Variants in SPHKAP observed in about 807,000 individuals in gnomAD.
The protein encoded by SPHKAP is SPHK1 interactor, AKAP domain containing, also known as A-kinase anchor protein SPHKAP.
Under a neutral mutation model 137.5 loss-of-function variants are expected in SPHKAP, and 67 were observed. That is an observed-to-expected ratio of 0.49 (90% CI 0.40 to 0.60). The LOEUF (loss-of-function observed/expected upper bound fraction) is 0.60, where lower values mean the gene tolerates loss of function less well. Among genes scored for constraint, SPHKAP ranks in the 20% least tolerant of loss-of-function variants. The probability of loss-of-function intolerance (pLI) is 0.00; values close to 1 mark genes in which losing one functional copy is unlikely to be tolerated. For missense variants in SPHKAP, 2,097 were observed against 2,069.3 expected (o/e 1.01, Z -0.26); for synonymous variants, 813 against 785.3 (o/e 1.04, Z -0.59).
chr2:227,981,784 C>A lies in SPHKAP; in HGVS notation c.5036G>T (p.Cys1679Phe). 1.9e-6 allele frequency: 3 copies of A among 1,613,882 alleles called. No homozygotes were observed. The highest frequency in any genetic ancestry group is 2.5e-6 in the Non-Finnish European group (3 of 1,179,834). The change falls in exon 12 of 12, where the codon TGC becomes TTC. Residue 1679 changes from cysteine (C) to phenylalanine (F), a missense_variant. Transcript: ENST00000392056. Reference sequence around the variant, plus strand: ...ATCCTTCTGCTCCTCATGCATTTTGCAGTACTGGACAACTGCATGGAAGAT... The same window carrying A: ...ATCCTTCTGCTCCTCATGCATTTTGAAGTACTGGACAACTGCATGGAAGAT... ...GDIFHAVVQY[C>F]KMHEEQKDGR...
In SPHKAP at chr2:228,181,627, G is replaced by T; in HGVS notation, c.-29C>A. The T allele has an allele frequency of 6.2e-7, 1 of 1,614,142 alleles. No individual in the cohort carries two copies. The highest frequency in any genetic ancestry group is 8.5e-7 in the Non-Finnish European group (1 of 1,180,016). ...TGGTGGGCGCCCAGAGAAGAAAGAC[G>T]GAAAGTGCAGGCGAAGGATAAGTCT... On this transcript the variant is annotated 5_prime_UTR_variant, in exon 1 of 12. Transcript: ENST00000392056. This position sits in a 1 kb window ranked among gnomAD's most constrained non-coding sequence, Gnocchi z 4.3.
chr2:228,092,134 TGTGTACACATATATACATATAC>T (rs1697764569), intron 3 of SPHKAP, among the ~76,000 whole-genome samples: 8 of 61,818 alleles, frequency 1.3e-4, no homozygotes, highest in African/African-American at 5.6e-4. Flanking sequence ...TACGTATATG[TGTGTACACATATATACATATAC>T]ATATATGTGT....
At chr2:228,023,183 TG>T (rs1694906345) in intron 5 of SPHKAP, among the ~76,000 whole-genome samples, 1 of 152,206 alleles carries the variant, frequency 6.6e-6, no homozygotes, top group South Asian at 2.1e-4. Context: ...CTAGGAGAGA[TG>T]ATTATAAAAT....
chr2:228,154,506 CTCTCTCTA>C (rs1464067525), intron 1 of SPHKAP, among the ~76,000 whole-genome samples: 20 of 29,904 alleles, frequency 6.7e-4, no homozygotes, highest in African/African-American at 2.1e-3. Context: ...CTCTCTCTCT[CTCTCTCTA>C]TATATATATA....
chr2:228,004,902 T>C (rs959986570), intron 7 of SPHKAP, among the ~76,000 whole-genome samples: 4 of 152,240 alleles, frequency 2.6e-5, no homozygotes, highest in African/African-American at 4.8e-5. Context: ...TCTAGTTTGA[T>C]TGCAATTTGC....
chr2:228,017,829 C>G lies in SPHKAP; in HGVS notation c.3025G>C (p.Glu1009Gln). Residue 1009 changes from glutamate (E) to glutamine (Q), a missense_variant, in exon 7 of 12, where the codon GAG becomes CAG. Physicochemically the swap from Glu to Gln is conservative, Grantham distance 29 (BLOSUM62 2). Transcript: ENST00000392056. The stretch of plus-strand genomic sequence containing the variant: ...AGCTTTTCTTTAAGCTCAGGGTGCT[C>G]GTCCGTCTTCCTCTTGATCTCACTG... ...RLSEIKRKTDEHPELKEKLMN... is the reference protein window; with the variant it reads ...RLSEIKRKTDQHPELKEKLMN... 5.6e-6 allele frequency: 9 copies of G among 1,614,102 alleles called. No homozygotes were observed. Among genetic ancestry groups the G allele is most frequent in the African/African-American group, 1.3e-5 (1 of 75,040 alleles).
intron 1 of SPHKAP, among the ~76,000 whole-genome samples, chr2:228,154,506 C>CTATATATATATA (rs1397617929): frequency 3.0e-3 from 90 of 29,850 alleles, no homozygotes; most frequent in Non-Finnish European, 4.3e-3. Context: ...CTCTCTCTCT[C>CTATATATATATA]TCTCTCTATA....
chr2:228,104,449 G>C (rs1165311500), intron 3 of SPHKAP, among the ~76,000 whole-genome samples: 2 of 149,614 alleles, frequency 1.3e-5, no homozygotes, highest in African/African-American at 4.9e-5. Context: ...GATCACGTGA[G>C]TCTAGATTCT....
In SPHKAP at chr2:228,075,964, T is replaced by C. The variant is rs541701281; in HGVS notation, c.246+32868A>G. ...CATCTTGAATTGTAACTCCCACAAT[T>C]CCCTCGTGTTGTGAGAGGAACACAG... On this transcript the variant is annotated intron_variant, in intron 3 of 11. Transcript: ENST00000392056. Among the ~76,000 whole-genome samples, 378 of 152,312 alleles carry C rather than the reference T, an allele frequency of 2.5e-3. 3 individuals carry two copies. Among genetic ancestry groups the C allele is most frequent in the African/African-American group, 8.6e-3 (359 of 41,568 alleles).
chr2:228,098,396 A>T (rs1698066749), intron 3 of SPHKAP, among the ~76,000 whole-genome samples: 1 of 152,234 alleles, frequency 6.6e-6, no homozygotes, highest in African/African-American at 2.4e-5. Flanking sequence ...AATTAAGAAA[A>T]TGTGGCACAT....
intron 3 of SPHKAP, among the ~76,000 whole-genome samples, chr2:228,045,481 A>C (rs974049694): frequency 7.3e-5 from 11 of 150,776 alleles, no homozygotes; most frequent in African/African-American, 2.7e-4. Context: ...CATCATTCTC[A>C]GCAAACTATC....
chr2:228,000,031 T>C (rs1264625245), intron 7 of SPHKAP, among the ~76,000 whole-genome samples: 1 of 152,240 alleles, frequency 6.6e-6, no homozygotes, highest in African/African-American at 2.4e-5. Flanking sequence ...TCATACAGTA[T>C]AAGTTCACTG....
chr2:227,993,567 T>C lies in SPHKAP; in HGVS notation c.4688A>G (p.Tyr1563Cys), dbSNP rs776053703. The C allele has an allele frequency of 1.9e-6, 3 of 1,604,748 alleles. No homozygotes were observed. Among genetic ancestry groups the C allele is most frequent in the South Asian group, 2.3e-5 (2 of 88,660 alleles). Residue 1563 changes from tyrosine to cysteine, a missense_variant, in exon 9 of 12, where the codon TAT becomes TGT. Physicochemically the swap from Tyr to Cys is radical, Grantham distance 194 (BLOSUM62 -2). Transcript: ENST00000392056. ...SSLGIMDLDI[Y>C]QESMPSSPMI... ...GGGAGAAGATGGCATGCTTTCCTGA[T>C]AAATGTCCAGATCCATAATGCCAAG... is the stretch of plus-strand genomic sequence containing the variant.
chr2:228,050,459 C>T (rs576207377), intron 3 of SPHKAP, among the ~76,000 whole-genome samples: 17 of 152,084 alleles, frequency 1.1e-4, no homozygotes, highest in African/African-American at 2.7e-4. Flanking sequence ...TTACCATATG[C>T]GGATGGAATC....
At chr2:228,170,815 G>C (rs910276681) in intron 1 of SPHKAP, among the ~76,000 whole-genome samples, 1 of 152,070 alleles carries the variant, frequency 6.6e-6, no homozygotes, top group African/African-American at 2.4e-5. Flanking sequence ...CTACCATATC[G>C]CTGGGGTATA....
chr2:227,989,781 T>G (rs1574712075), intron 11 of SPHKAP, among the ~76,000 whole-genome samples: 1 of 50,070 alleles, frequency 2.0e-5, no homozygotes, highest in Non-Finnish European at 4.6e-5. Flanking sequence ...AATTTTTGTT[T>G]TTTTTTTTTT....
Position 228,098,989 on chromosome 2 carries a change from T to C in SPHKAP, c.246+9843A>G, listed in dbSNP as rs777483207. On this transcript the variant is annotated intron_variant, in intron 3 of 11. Coordinates refer to ENST00000392056, the MANE Select transcript of SPHKAP (RefSeq NM_001142644.2). The stretch of plus-strand genomic sequence containing the variant: ...TCTCCCATTCTGTAGGTTGTCTGTT[T>C]ACTTTGTTTATAGTCTCTTTTTCTG... Among the ~76,000 whole-genome samples the C allele has an allele frequency of 3.9e-5, 6 of 152,194 alleles. 1 individual carries two copies. The highest frequency in any genetic ancestry group is 3.3e-4 in the Admixed American group (5 of 15,288).
At chr2:228,056,945 A>G (rs1447925692) in intron 3 of SPHKAP, among the ~76,000 whole-genome samples, 10 of 152,210 alleles carry the variant, frequency 6.6e-5, no homozygotes, top group Admixed American at 6.5e-4. Flanking sequence ...TGCTCAAGAA[A>G]GGCATATCTG....
chr2:228,152,871 C>A (rs1574899759), intron 1 of SPHKAP, among the ~76,000 whole-genome samples: 1 of 152,048 alleles, frequency 6.6e-6, no homozygotes, highest in Admixed American at 6.6e-5. Flanking sequence ...GTGTCCCCAC[C>A]CAAATCTCAT....
Sources: gnomAD v4.1 joint callset for allele counts (sites outside exome capture counted in the v4.1 genomes callset) on GRCh38, gnomAD v4.1.1 for gene constraint, Gnocchi (gnomAD v3.1) non-coding constraint, MANE v1.5 for transcripts, NCBI Gene and HGNC (gene_info 2026-07-23, HGNC 2026-07-21) for gene names.